The following PCDHGA8 variants were observed in gnomAD, a reference collection of about 807,000 sequenced individuals.
The protein encoded by PCDHGA8 is protocadherin gamma-A8.
Under a neutral mutation model 59.2 loss-of-function variants are expected in PCDHGA8, and 45 were observed. The observed-to-expected ratio is 0.76, with a 90% CI of 0.60 to 0.98. PCDHGA8 has a LOEUF of 0.98. Among genes scored for constraint, PCDHGA8 ranks in the 50% least tolerant of loss-of-function variants. The probability of loss-of-function intolerance (pLI) is 0.00; values close to 1 mark genes in which losing one functional copy is unlikely to be tolerated. For missense variants in PCDHGA8, 1,257 were observed against 1,196.2 expected (o/e 1.05, Z -0.75); for synonymous variants, 531 against 519.0 (o/e 1.02, Z -0.32).
intron 1 of PCDHGA8, chr5:141,404,899 T>C (rs768489392): frequency 6.2e-7 from 1 of 1,613,718 alleles, no homozygotes; most frequent in East Asian, 2.2e-5. Flanking sequence ...TACAGGACCA[T>C]GGCCAGCCCC....
Position 141,491,417 on chromosome 5 carries a change from G to A in PCDHGA8, c.2425-3390G>A, listed in dbSNP as rs200843744. 5 of 1,613,988 alleles carry A rather than the reference G, an allele frequency of 3.1e-6. No homozygotes were observed. The highest frequency in any genetic ancestry group is 1.1e-5 in the South Asian group (1 of 91,092). Reference sequence around the variant, plus strand: ...CAGGGAAACGCAGACGGGGACGGGGGTGGAGGGCAGTGCTGCAGGCGCCAG... The same window carrying A: ...CAGGGAAACGCAGACGGGGACGGGGATGGAGGGCAGTGCTGCAGGCGCCAG... On this transcript the variant is annotated intron_variant, in intron 1 of 3. Transcript: ENST00000398604. The surrounding 1 kb of genome is among the most constrained non-coding windows in gnomAD (Gnocchi z 6.9).
At chr5:141,413,316 T>G (rs769316460) in intron 1 of PCDHGA8, 1 of 1,613,976 alleles carries the variant, frequency 6.2e-7, no homozygotes, top group South Asian at 1.1e-5. Context: ...AGAAAGGCTC[T>G]TTCGTGGGCA....
intron 2 of PCDHGA8, among the ~76,000 whole-genome samples, chr5:141,501,290 T>TACACATACAC (rs1224133816): frequency 4.6e-4 from 62 of 136,246 alleles, no homozygotes; most frequent in Admixed American, 7.0e-4. Flanking sequence ...TATTCCCTTA[T>TACACATACAC]ACACACACAC....
At chr5:141,428,082 G>C (rs776612130) in intron 1 of PCDHGA8, 2 of 1,609,030 alleles carry the variant, frequency 1.2e-6, no homozygotes, top group Non-Finnish European at 8.5e-7. Flanking sequence ...GGGACACAAC[G>C]CTTGGCTGTC....
chr5:141,443,163 T>C (rs1054542792), intron 1 of PCDHGA8, among the ~76,000 whole-genome samples: 3 of 152,172 alleles, frequency 2.0e-5, no homozygotes, highest in Non-Finnish European at 4.4e-5. Context: ...TTTATTTCCC[T>C]ACCCATGTCC....
intron 1 of PCDHGA8, chr5:141,404,914 C>T (rs1423848318): frequency 1.2e-6 from 2 of 1,613,948 alleles, no homozygotes; most frequent in Non-Finnish European, 1.7e-6. Flanking sequence ...AGCCCCCTCT[C>T]TCGGCCACTG....
In PCDHGA8 at chr5:141,393,089, G is replaced by A. The variant is rs1168367249; in HGVS notation, c.276G>A (p.Arg92=). 4 of 1,613,660 alleles carry A rather than the reference G, an allele frequency of 2.5e-6. No homozygotes were observed. In the East Asian group the frequency reaches 6.7e-5, roughly 27 times the overall value. ...TGATCACCGCGGGCAGGATAGATCGGGAGGAGCTCTGCGCTCAGAGCCCGC... is the reference window on the plus strand; with the variant it reads ...TGATCACCGCGGGCAGGATAGATCGAGAGGAGCTCTGCGCTCAGAGCCCGC... ...GSLITAGRID[R]EELCAQSPRC... is the part of the protein sequence containing the mutation. The change falls in exon 1 of 4, where the codon CGG becomes CGA. Residue 92 remains arginine, a synonymous_variant. Transcript: ENST00000398604.
chr5:141,476,565 C>T lies in PCDHGA8; in HGVS notation c.2425-18242C>T. 6.2e-7 allele frequency: 1 copy of T among 1,614,184 alleles called. No individual in the cohort carries two copies. Among genetic ancestry groups the T allele is most frequent in the Non-Finnish European group, 8.5e-7 (1 of 1,180,034 alleles). On this transcript the variant is annotated intron_variant, in intron 1 of 3. Coordinates refer to ENST00000398604, the MANE Select transcript of PCDHGA8 (RefSeq NM_032088.2). This position sits in a 1 kb window ranked among gnomAD's most constrained non-coding sequence, Gnocchi z 7.6. ...TTGGAGATTAGCGAGGCCGTGGCTC[C>T]GGGGACGCGCTTTCCGCTCGAGAGC...
At position 141,400,283 on chromosome 5, in the gene PCDHGA8, C is replaced by T. The variant is rs566639489; in HGVS notation, c.2424+5046C>T. 2.5e-6 allele frequency: 4 copies of T among 1,614,084 alleles called. No individual in the cohort carries two copies. In the African/African-American group the frequency reaches 5.3e-5, roughly 22 times the overall value. On this transcript the variant is annotated intron_variant, in intron 1 of 3. Coordinates refer to ENST00000398604, the MANE Select transcript of PCDHGA8 (RefSeq NM_032088.2). The stretch of plus-strand genomic sequence containing the variant: ...CTGCGACGCTCCTCCAGCCCTGCCG[C>T]CTGGAGCTGCTTCCAACCTGGTCTC...
intron 1 of PCDHGA8, among the ~76,000 whole-genome samples, chr5:141,458,101 G>C (rs530847477): frequency 3.3e-5 from 5 of 152,200 alleles, no homozygotes; most frequent in Non-Finnish European, 7.4e-5. Flanking sequence ...AGTACTTACA[G>C]ATAGTCTCCA....
chr5:141,507,478 C>T (rs933478897), intron 3 of PCDHGA8, among the ~76,000 whole-genome samples: 5 of 152,158 alleles, frequency 3.3e-5, no homozygotes, highest in African/African-American at 1.2e-4. Flanking sequence ...GGACTGCTGG[C>T]CTCCTGAGGC....
At chr5:141,405,217 G>A in intron 1 of PCDHGA8, 9 of 1,614,024 alleles carry the variant, frequency 5.6e-6, no homozygotes, top group Non-Finnish European at 7.6e-6. Context: ...CCTATTCTCA[G>A]GAGTTCTCCC....
chr5:141,485,134 C>G lies in PCDHGA8; in HGVS notation c.2425-9673C>G, dbSNP rs967744072. 1.3e-6 allele frequency: 2 copies of G among 1,495,962 alleles called. No individual in the cohort carries two copies. Among genetic ancestry groups the G allele is most frequent in the South Asian group, 2.4e-5 (2 of 84,482 alleles). 92.7% of individuals were successfully genotyped at this position (1,495,962 alleles called of 1,614,324 possible). ...CTGTTTGGGGCGGGTCGGCTTCATC[C>G]GCGTCTCAGGAGCAAGTAGAGAATT... On this transcript the variant is annotated intron_variant, in intron 1 of 3. Transcript: ENST00000398604. The surrounding 1 kb of genome is among the most constrained non-coding windows in gnomAD (Gnocchi z 5.7).
intron 1 of PCDHGA8, chr5:141,414,528 C>T: frequency 6.2e-7 from 1 of 1,613,970 alleles, no homozygotes; most frequent in Non-Finnish European, 8.5e-7. Flanking sequence ...ATATCAATGA[C>T]AACCCACCTA....
Position 141,477,160 on chromosome 5 carries a change from C to A in PCDHGA8, c.2425-17647C>A, listed in dbSNP as rs768436526. The A allele has an allele frequency of 1.9e-5, 31 of 1,614,068 alleles. No homozygotes were observed. The African/African-American group carries it at 3.6e-4, about 19-fold the overall frequency. On this transcript the variant is annotated intron_variant, in intron 1 of 3. Coordinates refer to ENST00000398604, the MANE Select transcript of PCDHGA8 (RefSeq NM_032088.2). This position sits in a 1 kb window ranked among gnomAD's most constrained non-coding sequence, Gnocchi z 4.9. ...TGGAGGTTGTGGATGTGAATGACAA[C>A]GCCCCGGAGATCACAGTCACCTCCG...
Position 141,431,168 on chromosome 5 carries a change from G to A in PCDHGA8, c.2424+35931G>A, listed in dbSNP as rs779778442. On this transcript the variant is annotated intron_variant, in intron 1 of 3. Coordinates refer to ENST00000398604, the MANE Select transcript of PCDHGA8 (RefSeq NM_032088.2). This position sits in a 1 kb window ranked among gnomAD's most constrained non-coding sequence, Gnocchi z 4.8. Reference sequence around the variant, plus strand: ...CAATGCGCCTTACTTTCGTGAAAGTGAATTAGAAATAAAAATTAGTGAAAA... The same window carrying A: ...CAATGCGCCTTACTTTCGTGAAAGTAAATTAGAAATAAAAATTAGTGAAAA... The A allele has an allele frequency of 9.9e-6, 16 of 1,614,206 alleles. No individual in the cohort carries two copies. The Admixed American group carries it at 1.2e-4, about 12-fold the overall frequency.
intron 2 of PCDHGA8, among the ~76,000 whole-genome samples, chr5:141,504,713 G>A (rs1443171981): frequency 1.3e-5 from 2 of 151,850 alleles, no homozygotes; most frequent in African/African-American, 2.4e-5. Context: ...TATGGCCGTG[G>A]ATTTTACTCT....
Position 141,491,324 on chromosome 5 carries a change from T to C in PCDHGA8, c.2425-3483T>C, listed in dbSNP as rs762200164. 16 of 1,614,060 alleles carry C rather than the reference T, an allele frequency of 9.9e-6. No homozygotes were observed. The highest frequency in any genetic ancestry group is 8.3e-5 in the Admixed American group (5 of 60,010). On this transcript the variant is annotated intron_variant, in intron 1 of 3. Transcript: ENST00000398604. This position sits in a 1 kb window ranked among gnomAD's most constrained non-coding sequence, Gnocchi z 6.9. ...CGTTCAGACCTTACCCTTTACCTCA[T>C]TGTGGCTCTAGCGACCGTCAGTCTC...
intron 1 of PCDHGA8, among the ~76,000 whole-genome samples, chr5:141,450,375 A>G (rs1338336573): frequency 1.3e-5 from 2 of 152,166 alleles, no homozygotes; most frequent in Non-Finnish European, 2.9e-5. Context: ...GTTTGTTTAT[A>G]TGAAACTGAC....
Sources: gnomAD v4.1 joint callset for allele counts (sites outside exome capture counted in the v4.1 genomes callset) on GRCh38, gnomAD v4.1.1 for gene constraint, Gnocchi (gnomAD v3.1) non-coding constraint, MANE v1.5 for transcripts, NCBI Gene and HGNC (gene_info 2026-07-23, HGNC 2026-07-21) for gene names.